The following OPHN1 variants were observed in gnomAD, a reference collection of about 807,000 sequenced individuals.
OPHN1 encodes oligophrenin 1.
A neutral mutation model predicts 60.7 loss-of-function variants in OPHN1; 11 were observed. The observed-to-expected ratio is 0.18, with a 90% CI of 0.11 to 0.30. OPHN1 has a LOEUF of 0.30. Ranked by LOEUF, OPHN1 falls within the 10% of genes least tolerant of loss-of-function variation. OPHN1 has a pLI of 1.00. For synonymous variants in OPHN1, 226 were observed against 222.6 expected (o/e 1.02, Z -0.14); for missense variants, 449 against 611.0 (o/e 0.73, Z 2.80).
At chrX:68,206,788 G>T in intron 9 of OPHN1, 115 bp from the exon 10 acceptor site, 2 of 593,854 alleles carry the variant, frequency 3.4e-6, no homozygotes, top group Non-Finnish European at 5.7e-6. Context: ...TTCAGATCCA[G>T]CCCTGCCCTT....
intron 2 of OPHN1, among the ~76,000 whole-genome samples, chrX:68,369,192 AGTG>A (rs2078514553): frequency 1.8e-5 from 2 of 109,862 alleles, no homozygotes; most frequent in African/African-American, 6.7e-5. Flanking sequence ...TGGGAAACAG[AGTG>A]AGACTCCTCG....
At chrX:68,159,035 A>T (rs750854144) in intron 15 of OPHN1, among the ~76,000 whole-genome samples, 1 of 111,347 alleles carries the variant, frequency 9.0e-6, no homozygotes, top group South Asian at 3.8e-4. Flanking sequence ...ATTCTGAGAG[A>T]AGGATGACAC....
intron 2 of OPHN1, among the ~76,000 whole-genome samples, chrX:68,336,653 CGT>C (rs761125840): frequency 4.4e-5 from 4 of 91,778 alleles, no homozygotes; most frequent in African/African-American, 1.1e-4. Context: ...TATGTGTGTA[CGT>C]GTGTGTGTGT....
intron 2 of OPHN1, among the ~76,000 whole-genome samples, chrX:68,311,550 A>G (rs1416253684): frequency 9.0e-6 from 1 of 111,206 alleles, no homozygotes; most frequent in Non-Finnish European, 1.9e-5. Flanking sequence ...CTCCTGCCTC[A>G]GCCTCCCGAG....
intron 9 of OPHN1, among the ~76,000 whole-genome samples, chrX:68,209,372 C>T (rs747324168): frequency 9.0e-6 from 1 of 111,681 alleles, no homozygotes; most frequent in Non-Finnish European, 1.9e-5. Context: ...CATCCATGAG[C>T]CTGAGCAACA....
At chrX:68,420,982 A>G (rs2078823933) in intron 2 of OPHN1, among the ~76,000 whole-genome samples, 1 of 111,109 alleles carries the variant, frequency 9.0e-6, no homozygotes, top group South Asian at 3.8e-4. Context: ...GTGACCTTGG[A>G]CAAGGAACAC....
chrX:68,060,920 T>C, intron 21 of OPHN1, among the ~76,000 whole-genome samples: 1 of 112,020 alleles, frequency 8.9e-6, no homozygotes, highest in African/African-American at 3.2e-5. Flanking sequence ...TGGCTTTTGC[T>C]TAACCGATAA....
At chrX:68,347,499 G>A (rs1465769668) in intron 2 of OPHN1, among the ~76,000 whole-genome samples, 1 of 110,675 alleles carries the variant, frequency 9.0e-6, no homozygotes, top group Admixed American at 9.8e-5. Flanking sequence ...TGTATTTTTT[G>A]TAGAGATGAG....
chrX:68,399,724 T>A (rs1193627400), intron 2 of OPHN1, among the ~76,000 whole-genome samples: 1 of 110,900 alleles, frequency 9.0e-6, no homozygotes, highest in East Asian at 2.8e-4. Context: ...TCTGAGGGGT[T>A]CACGCTATAT....
At chrX:68,332,424 C>A (rs2078300347) in intron 2 of OPHN1, among the ~76,000 whole-genome samples, 1 of 111,582 alleles carries the variant, frequency 9.0e-6, no homozygotes, top group African/African-American at 3.3e-5. Context: ...ATTCCAAGTT[C>A]AGAGTGATGA....
At chrX:68,176,412 G>A (rs1007501460) in intron 15 of OPHN1, among the ~76,000 whole-genome samples, 5 of 111,562 alleles carry the variant, frequency 4.5e-5, no homozygotes, top group African/African-American at 6.5e-5. Flanking sequence ...TAAATAGCCC[G>A]TGAGCACATG....
At chrX:68,103,995 T>C (rs1220476879) in intron 18 of OPHN1, among the ~76,000 whole-genome samples, 3 of 111,993 alleles carry the variant, frequency 2.7e-5, no homozygotes, top group Non-Finnish European at 5.6e-5. Context: ...AAAATCAATG[T>C]GCAAAAATCA....
chrX:68,043,629 A>G lies in OPHN1; in HGVS notation c.*3543T>C, dbSNP rs1194213437. 4.5e-5 allele frequency: 5 copies of G among 112,028 alleles called. No individual in the cohort carries two copies. The highest frequency in any genetic ancestry group is 9.4e-5 in the Non-Finnish European group (5 of 53,255). 9.2% of individuals were successfully genotyped at this position (112,028 alleles called of 1,213,427 possible). On this transcript the variant is annotated 3_prime_UTR_variant, in exon 25 of 25. Transcript: ENST00000355520. ...CTTGAAAAGAGAATACTTTCCCATG[A>G]TAACCAATTACTTTAGAAATACTCT...
At chrX:68,340,722 G>A (rs754455730) in intron 2 of OPHN1, among the ~76,000 whole-genome samples, 1 of 111,448 alleles carries the variant, frequency 9.0e-6, no homozygotes, top group African/African-American at 3.3e-5. Context: ...AGAACTGGCC[G>A]GGCACCACTG....
chrX:68,084,984 A>G (rs2076989989), intron 19 of OPHN1, among the ~76,000 whole-genome samples: 1 of 112,405 alleles, frequency 8.9e-6, no homozygotes, highest in African/African-American at 3.2e-5. Flanking sequence ...ATCCTTCCCA[A>G]AGCTGGCCTA....
intron 15 of OPHN1, among the ~76,000 whole-genome samples, chrX:68,148,402 G>C (rs983028610): frequency 9.1e-6 from 1 of 110,192 alleles, no homozygotes; most frequent in African/African-American, 3.3e-5. Context: ...TATCTCCTCA[G>C]GGCTGCCAGT....
intron 6 of OPHN1, among the ~76,000 whole-genome samples, chrX:68,220,938 T>C (rs1188138418): frequency 3.6e-5 from 3 of 82,727 alleles, no homozygotes; most frequent in Non-Finnish European, 7.7e-5. Flanking sequence ...CCAGGGCAAT[T>C]AGGCAGGAGA....
At position 68,106,104 on chromosome X, in the gene OPHN1, AAG is replaced by A. The variant is rs35438846; in HGVS notation, c.1526+5748_1526+5749del. Among the ~76,000 whole-genome samples, 564 of 96,184 alleles carry A rather than the reference AAG, an allele frequency of 5.9e-3. 7 individuals carry two copies. The highest frequency in any genetic ancestry group is 0.019 in the African/African-American group (492 of 25,295). 83.5% of individuals were successfully genotyped at this position (96,184 alleles called of 115,157 possible). On this transcript the variant is annotated intron_variant, in intron 18 of 24. Transcript: ENST00000355520. ...GAGAAAAAGAGGGAGAGAGAGAGAG[AAG>A]AGAGAGAGAGAGAGAGAGATCCGAA...
At chrX:68,240,960 A>AT (rs945072429) in intron 5 of OPHN1, among the ~76,000 whole-genome samples, 24 of 112,098 alleles carry the variant, frequency 2.1e-4, no homozygotes, top group Admixed American at 1.6e-3. Context: ...AAATATATTT[A>AT]TTTTTTTAAC....
Sources: gnomAD v4.1 joint callset for allele counts (sites outside exome capture counted in the v4.1 genomes callset) on GRCh38, gnomAD v4.1.1 for gene constraint, MANE v1.5 for transcripts, NCBI Gene and HGNC (gene_info 2026-07-23, HGNC 2026-07-21) for gene names.